Variants in ARID1B observed in about 807,000 individuals in gnomAD.
ARID1B encodes AT-rich interactive domain-containing protein 1B.
Under a neutral mutation model 212.3 loss-of-function variants are expected in ARID1B, and 30 were observed. That is an observed-to-expected ratio of 0.14 (90% CI 0.11 to 0.19). ARID1B has a LOEUF of 0.19. Ranked by LOEUF, ARID1B falls within the 10% of genes least tolerant of loss-of-function variation. ARID1B has a pLI of 1.00. For synonymous variants in ARID1B, 1,402 were observed against 1,301.7 expected, an observed-to-expected ratio of 1.08 and a Z score of -1.66; for missense variants, 2,891 against 3,204.0, an observed-to-expected ratio of 0.90 and a Z score of 2.36.
intron 8 of ARID1B, among the ~76,000 whole-genome samples, chr6:157,152,654 T>G (rs368684011): frequency 1.5e-4 from 23 of 152,218 alleles, no homozygotes; most frequent in East Asian, 9.6e-4. Context: ...AAAACATGTG[T>G]ATGACATGTT....
chr6:157,029,409 A>G (rs1247689966), intron 4 of ARID1B, among the ~76,000 whole-genome samples: 5 of 152,336 alleles, frequency 3.3e-5, no homozygotes, highest in Admixed American at 6.5e-5. Context: ...GCATTCATTC[A>G]TATACATTTA....
rs547139009 is a variant in ARID1B at position 156,848,773 on chromosome 6, C to CG, written c.1986+19358dup. Among the ~76,000 whole-genome samples the CG allele has an allele frequency of 3.6e-4, 55 of 152,316 alleles. 1 individual carries two copies. The highest frequency in any genetic ancestry group is 9.6e-4 in the African/African-American group (40 of 41,562). ...TGGAGCTTAGCATGAGGGGAGGTGC[C>CG]GGGGGGCCTTCTCTGGCTTGGTAGA... On this transcript the variant is annotated intron_variant, in intron 2 of 19. Coordinates refer to ENST00000636930, the MANE Select transcript of ARID1B (RefSeq NM_001374828.1).
intron 6 of ARID1B, among the ~76,000 whole-genome samples, chr6:157,115,551 C>T (rs538930645): frequency 2.6e-5 from 4 of 152,084 alleles, no homozygotes; most frequent in Non-Finnish European, 5.9e-5. Flanking sequence ...CTCAGCCTCC[C>T]GAGTAGCTGG....
chr6:156,824,808 G>A (rs996809106), intron 1 of ARID1B, among the ~76,000 whole-genome samples: 1 of 151,872 alleles, frequency 6.6e-6, no homozygotes, highest in Non-Finnish European at 1.5e-5. Flanking sequence ...CTTCAGGTTA[G>A]ATGTGCGTAT....
At chr6:156,908,179 G>A (rs190707792) in intron 3 of ARID1B, among the ~76,000 whole-genome samples, 109 of 152,220 alleles carry the variant, frequency 7.2e-4, no homozygotes, top group African/African-American at 2.3e-3. Context: ...GGGATTACAG[G>A]CATGAACTAC....
intron 4 of ARID1B, among the ~76,000 whole-genome samples, chr6:156,947,294 A>G (rs1793223083): frequency 6.6e-6 from 1 of 152,196 alleles, no homozygotes. Flanking sequence ...GATTTGGGCT[A>G]CATTCTTACT....
intron 4 of ARID1B, among the ~76,000 whole-genome samples, chr6:157,046,030 T>C (rs1782216817): frequency 6.6e-6 from 1 of 152,210 alleles, no homozygotes; most frequent in Admixed American, 6.5e-5. Context: ...TCCCAGCCTC[T>C]GCCTCTGCCA....
intron 3 of ARID1B, among the ~76,000 whole-genome samples, chr6:156,922,217 G>T (rs1790866731): frequency 6.7e-6 from 1 of 148,252 alleles, no homozygotes; most frequent in South Asian, 2.1e-4. Context: ...GTGTCGTCCA[G>T]GCTGGAGTGC....
intron 4 of ARID1B, among the ~76,000 whole-genome samples, chr6:156,973,106 G>T (rs904797622): frequency 1.3e-5 from 2 of 152,164 alleles, no homozygotes; most frequent in Non-Finnish European, 2.9e-5. Flanking sequence ...ACTTTGTGCC[G>T]TGCAGTACAG....
chr6:157,068,445 C>G (rs925258973), intron 4 of ARID1B, among the ~76,000 whole-genome samples: 3 of 152,088 alleles, frequency 2.0e-5, no homozygotes, highest in South Asian at 4.1e-4. Flanking sequence ...AGAAGATACA[C>G]TAAATATTAT....
At chr6:156,969,708 T>G (rs1419743229) in intron 4 of ARID1B, among the ~76,000 whole-genome samples, 3 of 152,224 alleles carry the variant, frequency 2.0e-5, no homozygotes, top group Non-Finnish European at 4.4e-5. Context: ...TTAGACTTGA[T>G]TCATACGAGC....
chr6:156,865,440 C>G (rs1414609516), intron 2 of ARID1B, among the ~76,000 whole-genome samples: 2 of 152,186 alleles, frequency 1.3e-5, no homozygotes, highest in Non-Finnish European at 2.9e-5. Flanking sequence ...AAGTTTGAAG[C>G]CATTCTTGCT....
At chr6:156,893,285 C>T (rs766392153) in intron 2 of ARID1B, among the ~76,000 whole-genome samples, 10 of 152,042 alleles carry the variant, frequency 6.6e-5, no homozygotes, top group Non-Finnish European at 1.2e-4. Flanking sequence ...CTCGGCCGTC[C>T]GAAGTGCTGG....
intron 1 of ARID1B, among the ~76,000 whole-genome samples, chr6:156,808,908 T>G (rs9397970): frequency 0.08 from 12,157 of 152,282 alleles, 731 homozygotes; most frequent in East Asian, 0.27. Context: ...GAGAAATGTC[T>G]TAAGATTTGT....
intron 4 of ARID1B, among the ~76,000 whole-genome samples, chr6:157,059,838 A>C (rs180677922): frequency 2.7e-4 from 41 of 152,346 alleles, no homozygotes; most frequent in African/African-American, 9.4e-4. Flanking sequence ...AATGCTTTCT[A>C]GGAGTTTAAA....
chr6:156,832,355 T>G (rs1255088594), intron 2 of ARID1B, among the ~76,000 whole-genome samples: 1 of 152,220 alleles, frequency 6.6e-6, no homozygotes, highest in East Asian at 1.9e-4. Flanking sequence ...GGCTAAGCAT[T>G]GTTGTAGTTG....
chr6:156,979,215 T>A (rs1414475288), intron 4 of ARID1B, among the ~76,000 whole-genome samples: 3 of 152,222 alleles, frequency 2.0e-5, no homozygotes, highest in Non-Finnish European at 4.4e-5. Context: ...TTGCAAAGAA[T>A]ATATATATTG....
chr6:156,859,698 C>T (rs1322876379), intron 2 of ARID1B, among the ~76,000 whole-genome samples: 1 of 152,188 alleles, frequency 6.6e-6, no homozygotes, highest in Non-Finnish European at 1.5e-5. Context: ...AGATTAAAAG[C>T]CGTAGGTTGC....
At chr6:156,829,712 T>G (rs1783010975) in intron 2 of ARID1B, 2 of 262,554 alleles carry the variant, frequency 7.6e-6, no homozygotes, top group Non-Finnish European at 7.2e-6. Flanking sequence ...AGATGTAAGC[T>G]CTGAAGTGAA....
Sources: gnomAD v4.1 joint callset for allele counts (sites outside exome capture counted in the v4.1 genomes callset) on GRCh38, gnomAD v4.1.1 for gene constraint, MANE v1.5 for transcripts, NCBI Gene and HGNC (gene_info 2026-07-23, HGNC 2026-07-21) for gene names.